The following ARMC2 variants were observed in gnomAD, a reference collection of about 807,000 sequenced individuals.
ARMC2 encodes armadillo repeat containing 2.
In ARMC2, 67 loss-of-function variants were observed where a neutral mutation model predicts 90.3. The ratio of observed to expected loss-of-function variants is 0.74; its 90% CI spans 0.61 to 0.91. ARMC2 has a LOEUF of 0.91. Among genes scored for constraint, ARMC2 ranks in the 40% least tolerant of loss-of-function variants. The probability of loss-of-function intolerance (pLI) is 0.00; values close to 1 mark genes in which losing one functional copy is unlikely to be tolerated. For synonymous variants in ARMC2, 393 were observed against 393.0 expected, an observed-to-expected ratio of 1.00 and a Z score of 0.00; for missense variants, 920 against 1,030.9, an observed-to-expected ratio of 0.89 and a Z score of 1.47.
chr6:108,975,383 A>AT (rs141683383), downstream of ARMC2, among the ~76,000 whole-genome samples: 15,445 of 152,118 alleles, frequency 0.1, 919 homozygotes, highest in Middle Eastern at 0.19. Context: ...TATGTGCCAA[A>AT]TTTTCTTTAT....
chr6:108,999,550 C>T, the ARMC2 span, among the ~76,000 whole-genome samples: 27 of 152,074 alleles, frequency 1.8e-4, no homozygotes, highest in Non-Finnish European at 2.9e-4. Flanking sequence ...GCATTTAAAA[C>T]GTAACATAAA....
chr6:109,028,857 TA>T, the ARMC2 span, among the ~76,000 whole-genome samples: 2 of 152,110 alleles, frequency 1.3e-5, no homozygotes, highest in African/African-American at 2.4e-5. Context: ...AACTTTCCAA[TA>T]AATCTGCAGC....
the ARMC2 span, among the ~76,000 whole-genome samples, chr6:108,983,840 G>A: frequency 1.3e-5 from 2 of 152,232 alleles, no homozygotes; most frequent in South Asian, 4.1e-4. Flanking sequence ...GTGACCATGA[G>A]ATGTCTTTCC....
At chr6:108,995,758 T>C in the ARMC2 span, among the ~76,000 whole-genome samples, 2 of 152,232 alleles carry the variant, frequency 1.3e-5, no homozygotes, top group African/African-American at 2.4e-5. Context: ...TATTCCAGCC[T>C]GGACAACAGA....
the ARMC2 span, among the ~76,000 whole-genome samples, chr6:109,021,548 G>A: frequency 6.0e-5 from 9 of 151,014 alleles, no homozygotes; most frequent in East Asian, 1.8e-3. Flanking sequence ...AGCAATTCTC[G>A]TGCCTCAGCC....
intron 5 of ARMC2, among the ~76,000 whole-genome samples, chr6:108,882,758 C>A (rs1777721523): frequency 6.6e-6 from 1 of 151,390 alleles, no homozygotes; most frequent in African/African-American, 2.4e-5. Context: ...TCCTTCACTT[C>A]CTCTGCTAAC....
the ARMC2 span, among the ~76,000 whole-genome samples, chr6:109,024,945 AG>A: frequency 5.9e-5 from 9 of 152,350 alleles, no homozygotes; most frequent in African/African-American, 2.2e-4. Context: ...GAACTGGCAA[AG>A]TAACAGAAAT....
At chr6:108,883,040 C>A (rs1007520147) in intron 5 of ARMC2, among the ~76,000 whole-genome samples, 1 of 152,186 alleles carries the variant, frequency 6.6e-6, no homozygotes, top group Admixed American at 6.5e-5. Flanking sequence ...GTACATAGTA[C>A]GCACTCAGTG....
chr6:108,997,368 G>C, the ARMC2 span, among the ~76,000 whole-genome samples: 1 of 152,114 alleles, frequency 6.6e-6, no homozygotes, highest in Admixed American at 6.5e-5. Context: ...ATCCTCTTCT[G>C]ACTGCCAAGC....
chr6:108,940,785 C>T (rs181219628), intron 12 of ARMC2, among the ~76,000 whole-genome samples: 29 of 152,172 alleles, frequency 1.9e-4, no homozygotes, highest in South Asian at 1.0e-3. Context: ...AAAACCTTAC[C>T]GAGGACCTCC....
the ARMC2 span, chr6:108,994,647 C>T: frequency 5.1e-6 from 7 of 1,361,068 alleles, no homozygotes; most frequent in Non-Finnish European, 7.0e-6. Context: ...ATGTGGCAGA[C>T]ATAGAATATA....
the ARMC2 span, among the ~76,000 whole-genome samples, chr6:109,032,059 C>T: frequency 4.6e-5 from 7 of 152,076 alleles, no homozygotes; most frequent in Non-Finnish European, 8.8e-5. Flanking sequence ...CACCTGAGGT[C>T]GAGAGTTTGA....
At chr6:108,966,876 G>C (rs1021826880) in intron 17 of ARMC2, among the ~76,000 whole-genome samples, 4 of 152,218 alleles carry the variant, frequency 2.6e-5, no homozygotes, top group African/African-American at 9.6e-5. Flanking sequence ...CCACAGGTGA[G>C]TCTATTAGCT....
chr6:108,881,737 A>C (rs1777603579), intron 5 of ARMC2, among the ~76,000 whole-genome samples: 1 of 152,094 alleles, frequency 6.6e-6, no homozygotes, highest in African/African-American at 2.4e-5. Context: ...GGCTTGATAC[A>C]TTAGAATTTA....
At chr6:108,894,622 GC>G in intron 6 of ARMC2, 79 bp downstream of exon 6, 1 of 1,280,304 alleles carries the variant, frequency 7.8e-7, no homozygotes, top group Non-Finnish European at 1.1e-6. Flanking sequence ...ATCTATGTTG[GC>G]CACTGGAAAC....
chr6:108,931,576 C>G (rs1775565384), intron 11 of ARMC2, among the ~76,000 whole-genome samples: 1 of 151,884 alleles, frequency 6.6e-6, no homozygotes, highest in African/African-American at 2.4e-5. Context: ...TGCAACCTTG[C>G]CAGCATCTGT....
chr6:108,951,740 C>A (rs1019343401), intron 12 of ARMC2, among the ~76,000 whole-genome samples: 4 of 152,390 alleles, frequency 2.6e-5, no homozygotes, highest in East Asian at 3.9e-4. Flanking sequence ...CCTGGACATG[C>A]GCTCCTCGAT....
At chr6:109,005,379 A>G in the ARMC2 span, among the ~76,000 whole-genome samples, 1 of 152,204 alleles carries the variant, frequency 6.6e-6, no homozygotes, top group African/African-American at 2.4e-5. Context: ...AACCTCACTG[A>G]TTCAATTTCT....
At chr6:108,908,183 T>C (rs1772996766) in intron 8 of ARMC2, among the ~76,000 whole-genome samples, 1 of 152,160 alleles carries the variant, frequency 6.6e-6, no homozygotes, top group Non-Finnish European at 1.5e-5. Flanking sequence ...GCCCAGGTGA[T>C]GCTGAGATGG....
Sources: gnomAD v4.1 joint callset for allele counts (sites outside exome capture counted in the v4.1 genomes callset) on GRCh38, gnomAD v4.1.1 for gene constraint, MANE v1.5 for transcripts, NCBI Gene and HGNC (gene_info 2026-07-23, HGNC 2026-07-21) for gene names.